TMEM132D: variants seen among roughly 807,000 people sequenced by gnomAD.
TMEM132D encodes the protein transmembrane protein 132D, also known as mature OL transmembrane protein.
Under a neutral mutation model 62.3 loss-of-function variants are expected in TMEM132D, and 21 were observed. The observed-to-expected ratio is 0.34, with a 90% CI of 0.24 to 0.49. The LOEUF (loss-of-function observed/expected upper bound fraction) is 0.49, where lower values mean the gene tolerates loss of function less well. Among genes scored for constraint, TMEM132D ranks in the 20% least tolerant of loss-of-function variants. The pLI is 0.99. For synonymous variants in TMEM132D, 621 were observed against 575.6 expected (o/e 1.08, Z -1.13); for missense variants, 1,346 against 1,402.8 (o/e 0.96, Z 0.65).
chr12:129,640,753 G>A (rs1879622191), intron 2 of TMEM132D, among the ~76,000 whole-genome samples: 1 of 152,290 alleles, frequency 6.6e-6, no homozygotes, highest in East Asian at 1.9e-4. Context: ...ACACATAGCA[G>A]AAGGTGAGTG....
At chr12:129,552,440 T>C (rs1337422645) in intron 2 of TMEM132D, among the ~76,000 whole-genome samples, 1 of 152,160 alleles carries the variant, frequency 6.6e-6, no homozygotes, top group Non-Finnish European at 1.5e-5. Flanking sequence ...TCTATCCATC[T>C]ACCTACCTAC....
intron 1 of TMEM132D, among the ~76,000 whole-genome samples, chr12:129,882,908 A>G (rs185575318): frequency 2.6e-5 from 4 of 152,336 alleles, no homozygotes; most frequent in Admixed American, 2.6e-4. Flanking sequence ...AAAGAAACCT[A>G]CAACTAACAT....
intron 5 of TMEM132D, among the ~76,000 whole-genome samples, chr12:129,130,614 C>A (rs552220014): frequency 6.6e-6 from 1 of 152,208 alleles, no homozygotes; most frequent in Middle Eastern, 3.4e-3. Flanking sequence ...GGGAGACAGA[C>A]AATAACCAGA....
chr12:129,290,847 A>G lies in TMEM132D; in HGVS notation c.1299+46787T>C, dbSNP rs908372249. 9.9e-5 allele frequency among the ~76,000 whole-genome samples: 15 copies of G among 152,012 alleles called. 1 individual carries two copies. The highest frequency in any genetic ancestry group is 9.8e-4 in the Admixed American group (15 of 15,264). On this transcript the variant is annotated intron_variant, in intron 4 of 8. Transcript: ENST00000422113. Reference sequence around the variant, plus strand: ...TACATTTTCAGTGTAGACCTCATTAATTTGGTAGGGCCAGGTTCTCTATTT... The same window carrying G: ...TACATTTTCAGTGTAGACCTCATTAGTTTGGTAGGGCCAGGTTCTCTATTT...
intron 2 of TMEM132D, among the ~76,000 whole-genome samples, chr12:129,669,968 T>C (rs2137198822): frequency 6.6e-6 from 1 of 152,162 alleles, no homozygotes; most frequent in East Asian, 1.9e-4. Flanking sequence ...CACCTTGGAG[T>C]TCACTCCCAT....
chr12:129,501,819 A>G (rs1389895704), intron 3 of TMEM132D, among the ~76,000 whole-genome samples: 23 of 151,914 alleles, frequency 1.5e-4, no homozygotes, highest in Admixed American at 1.5e-3. Flanking sequence ...AGCAGCTCCT[A>G]AATTCAACAG....
chr12:129,356,533 C>T (rs372535749), intron 3 of TMEM132D, among the ~76,000 whole-genome samples: 4 of 151,494 alleles, frequency 2.6e-5, no homozygotes, highest in Admixed American at 1.3e-4. Flanking sequence ...AAATAAGAAA[C>T]GAGGCCGGGC....
intron 2 of TMEM132D, among the ~76,000 whole-genome samples, chr12:129,663,149 T>C (rs965637982): frequency 2.0e-5 from 3 of 152,164 alleles, no homozygotes; most frequent in South Asian, 2.1e-4. Context: ...TTTTTTTTTT[T>C]TCCTTTTGAG....
chr12:129,789,531 C>G (rs941134121), intron 1 of TMEM132D, among the ~76,000 whole-genome samples: 5 of 152,118 alleles, frequency 3.3e-5, no homozygotes, highest in African/African-American at 1.2e-4. Context: ...CAATATACAC[C>G]GTGGAATACT....
intron 1 of TMEM132D, among the ~76,000 whole-genome samples, chr12:129,753,347 A>C (rs931524852): frequency 2.0e-5 from 3 of 152,252 alleles, no homozygotes; most frequent in African/African-American, 7.2e-5. Context: ...AGAGGCTTTA[A>C]AGCCAACGGC....
intron 4 of TMEM132D, among the ~76,000 whole-genome samples, chr12:129,226,746 C>T (rs966804241): frequency 2.0e-5 from 3 of 152,180 alleles, no homozygotes; most frequent in Non-Finnish European, 4.4e-5. Flanking sequence ...TGAACAAACA[C>T]ATTTGCAGGG....
intron 4 of TMEM132D, among the ~76,000 whole-genome samples, chr12:129,244,320 A>G (rs1880022130): frequency 6.8e-6 from 1 of 146,234 alleles, no homozygotes; most frequent in African/African-American, 2.5e-5. Context: ...CGGGAGGCGG[A>G]GCTTGCAGTG....
At chr12:129,594,652 C>T (rs909231099) in intron 2 of TMEM132D, among the ~76,000 whole-genome samples, 1 of 152,190 alleles carries the variant, frequency 6.6e-6, no homozygotes, top group East Asian at 1.9e-4. Flanking sequence ...GTGTTCAAAG[C>T]TCTCCTAAGT....
At chr12:129,136,637 T>C (rs965789552) in intron 5 of TMEM132D, among the ~76,000 whole-genome samples, 6 of 151,734 alleles carry the variant, frequency 4.0e-5, no homozygotes, top group Non-Finnish European at 8.8e-5. Flanking sequence ...ATCATCACCA[T>C]CACAATCACC....
intron 1 of TMEM132D, among the ~76,000 whole-genome samples, chr12:129,877,207 T>C (rs1192155537): frequency 6.7e-6 from 1 of 150,186 alleles, no homozygotes; most frequent in Non-Finnish European, 1.5e-5. Context: ...TAATACTATA[T>C]TAAAACTATT....
chr12:129,556,438 C>T (rs930799167), intron 2 of TMEM132D, among the ~76,000 whole-genome samples: 1 of 151,880 alleles, frequency 6.6e-6, no homozygotes, highest in Non-Finnish European at 1.5e-5. Flanking sequence ...TGGTTCTTAT[C>T]ATGTCTTCCC....
At chr12:129,744,408 G>T (rs1869707854) in intron 1 of TMEM132D, among the ~76,000 whole-genome samples, 1 of 152,156 alleles carries the variant, frequency 6.6e-6, no homozygotes, top group African/African-American at 2.4e-5. Context: ...GGTGTGGGAA[G>T]GAGATTTCAT....
At chr12:129,230,254 T>C (rs1879599444) in intron 4 of TMEM132D, among the ~76,000 whole-genome samples, 1 of 149,686 alleles carries the variant, frequency 6.7e-6, no homozygotes, top group South Asian at 2.1e-4. Flanking sequence ...GCTCCTTCTG[T>C]GTAGGGGTCT....
At chr12:129,706,644 G>C (rs1163633614) in intron 1 of TMEM132D, among the ~76,000 whole-genome samples, 1 of 151,754 alleles carries the variant, frequency 6.6e-6, no homozygotes, top group African/African-American at 2.4e-5. Flanking sequence ...TAATCTCTAT[G>C]GAGAATACAC....
Sources: gnomAD v4.1 joint callset for allele counts (sites outside exome capture counted in the v4.1 genomes callset) on GRCh38, gnomAD v4.1.1 for gene constraint, MANE v1.5 for transcripts, NCBI Gene and HGNC (gene_info 2026-07-23, HGNC 2026-07-21) for gene names.